The following CARF variants were observed in gnomAD, a reference collection of about 807,000 sequenced individuals.
CARF encodes calcium-responsive transcription factor.
In CARF, 57 loss-of-function variants were observed where a neutral mutation model predicts 82.0. The observed-to-expected ratio is 0.70, with a 90% CI of 0.56 to 0.87. CARF has a LOEUF of 0.87. Among genes scored for constraint, CARF ranks in the 40% least tolerant of loss-of-function variants. The pLI, the probability that CARF is intolerant of heterozygous loss-of-function variation, is 0.00. For synonymous variants in CARF, 268 were observed against 290.1 expected (o/e 0.92, Z 0.77); for missense variants, 771 against 855.8 (o/e 0.90, Z 1.24).
At chr2:202,923,123 C>T (rs773659129) in intron 2 of CARF, among the ~76,000 whole-genome samples, 14 of 152,068 alleles carry the variant, frequency 9.2e-5, no homozygotes, top group Non-Finnish European at 1.6e-4. Context: ...TGCCTGTAAT[C>T]CCAGCTACTT....
intron 9 of CARF, among the ~76,000 whole-genome samples, chr2:202,966,366 T>A (rs1477155829): frequency 4.6e-5 from 7 of 152,142 alleles, no homozygotes. Flanking sequence ...ATGATACCAA[T>A]ATTTATTAAC....
At chr2:202,922,127 C>G (rs1197982051) in intron 2 of CARF, among the ~76,000 whole-genome samples, 1 of 152,024 alleles carries the variant, frequency 6.6e-6, no homozygotes, top group Non-Finnish European at 1.5e-5. Flanking sequence ...CCACACTGAG[C>G]CCTTAAAAAG....
chr2:202,963,935 G>A (rs1198461987), intron 9 of CARF, among the ~76,000 whole-genome samples: 2 of 152,142 alleles, frequency 1.3e-5, no homozygotes, highest in Non-Finnish European at 2.9e-5. Flanking sequence ...CTCCTGCTGT[G>A]CGGCCTGGTT....
intron 13 of CARF, among the ~76,000 whole-genome samples, chr2:202,975,193 C>A (rs752285653): frequency 5.3e-5 from 8 of 151,456 alleles, no homozygotes; most frequent in Non-Finnish European, 1.2e-4. Context: ...CAGTGGCTCA[C>A]GCCTGTAATC....
intron 3 of CARF, among the ~76,000 whole-genome samples, chr2:202,932,865 T>A (rs1250852500): frequency 6.6e-6 from 1 of 151,952 alleles, no homozygotes; most frequent in Non-Finnish European, 1.5e-5. Flanking sequence ...GCTCAACCAC[T>A]GCTGTGTTTC....
intron 9 of CARF, among the ~76,000 whole-genome samples, chr2:202,966,740 C>T (rs1262286589): frequency 3.3e-5 from 5 of 152,090 alleles, no homozygotes; most frequent in African/African-American, 1.2e-4. Flanking sequence ...CCAGTAGACA[C>T]TCAGTAAATG....
chr2:202,951,628 A>G (rs147084132), intron 5 of CARF, among the ~76,000 whole-genome samples: 11 of 152,190 alleles, frequency 7.2e-5, no homozygotes, highest in Admixed American at 3.3e-4. Context: ...CTTCAACTTC[A>G]TATGTCTTTT....
At chr2:202,948,725 A>C (rs1334223469) in intron 5 of CARF, among the ~76,000 whole-genome samples, 2 of 152,212 alleles carry the variant, frequency 1.3e-5, no homozygotes. Context: ...GAAGTTGTTT[A>C]TCTTCTGGAA....
intron 8 of CARF, among the ~76,000 whole-genome samples, chr2:202,960,045 G>GA (rs2059236497): frequency 1.3e-5 from 2 of 152,082 alleles, no homozygotes; most frequent in Non-Finnish European, 2.9e-5. Context: ...ATGGAAGTAA[G>GA]AAAATACATG....
At chr2:202,982,858 A>G (rs1315493902) in intron 16 of CARF, among the ~76,000 whole-genome samples, 1 of 152,150 alleles carries the variant, frequency 6.6e-6, no homozygotes, top group Non-Finnish European at 1.5e-5. Context: ...GTAGGCATAT[A>G]TGAAGGTTAA....
chr2:202,979,628 C>G (rs1431091931), intron 14 of CARF, among the ~76,000 whole-genome samples: 1 of 151,734 alleles, frequency 6.6e-6, no homozygotes, highest in Non-Finnish European at 1.5e-5. Flanking sequence ...TGGTGAAACC[C>G]TGTCTCTACT....
chr2:202,939,685 CTTT>C (rs749966536), intron 3 of CARF, among the ~76,000 whole-genome samples: 4 of 104,892 alleles, frequency 3.8e-5, no homozygotes, highest in Non-Finnish European at 8.5e-5. Flanking sequence ...GCCTTTTTTT[CTTT>C]TTTTTTTTTT....
intron 1 of CARF, among the ~76,000 whole-genome samples, chr2:202,916,364 G>A (rs1689659971): frequency 6.6e-6 from 1 of 151,916 alleles, no homozygotes; most frequent in South Asian, 2.1e-4. Flanking sequence ...TGTATTTTTA[G>A]TAGAGATGGG....
At chr2:202,935,737 T>G (rs1693829324) in intron 3 of CARF, among the ~76,000 whole-genome samples, 1 of 152,184 alleles carries the variant, frequency 6.6e-6, no homozygotes, top group African/African-American at 2.4e-5. Flanking sequence ...ACTTTGATAT[T>G]TTTTAAACAA....
chr2:202,948,079 T>C (rs563486765), intron 5 of CARF, among the ~76,000 whole-genome samples: 1 of 152,242 alleles, frequency 6.6e-6, no homozygotes, highest in South Asian at 2.1e-4. Flanking sequence ...GTGGCTAACC[T>C]GTAATCCTGG....
Position 202,974,762 on chromosome 2 carries a change from G to C in CARF, c.1494+266G>C, listed in dbSNP as rs2059955009. ...AAAAATACAAAGATTGGGTGGGCGT[G>C]ATGGTGGGTGCCTGTAATCCCAGCT... On this transcript the variant is annotated intron_variant, in intron 13 of 16. Coordinates refer to ENST00000438828, the MANE Select transcript of CARF (RefSeq NM_024744.17). Among the ~76,000 whole-genome samples the C allele has an allele frequency of 2.0e-5, 3 of 152,010 alleles. No individual in the cohort carries two copies. In the South Asian group the frequency reaches 6.2e-4, roughly 32 times the overall value.
At chr2:202,925,632 G>A (rs1038492530) in intron 3 of CARF, 8 of 239,258 alleles carry the variant, frequency 3.3e-5, no homozygotes, top group Non-Finnish European at 5.8e-5. Context: ...AAAGGCCAGA[G>A]GGCTTCCTTG....
chr2:202,967,852 TA>T (rs2059617311), intron 10 of CARF, among the ~76,000 whole-genome samples: 1 of 152,144 alleles, frequency 6.6e-6, no homozygotes, highest in African/African-American at 2.4e-5. Context: ...GAGACCAATG[TA>T]GTAAGTTTTA....
intron 13 of CARF, among the ~76,000 whole-genome samples, chr2:202,975,288 C>G (rs927034719): frequency 6.6e-6 from 1 of 151,966 alleles, no homozygotes; most frequent in Non-Finnish European, 1.5e-5. Context: ...ACTAAGAATA[C>G]GAAAAATTAG....
Sources: allele counts gnomAD v4.1 joint callset (sites outside exome capture counted in the v4.1 genomes callset), GRCh38; gene constraint gnomAD v4.1.1; transcripts MANE v1.5; gene names NCBI Gene and HGNC (gene_info 2026-07-23, HGNC 2026-07-21).